Variants in PPP1R10 observed in about 807,000 individuals in gnomAD.
PPP1R10 encodes the protein serine/threonine-protein phosphatase 1 regulatory subunit 10.
A neutral mutation model predicts 99.0 loss-of-function variants in PPP1R10; 15 were observed. The ratio of observed to expected loss-of-function variants is 0.15; its 90% CI spans 0.10 to 0.23. The LOEUF (loss-of-function observed/expected upper bound fraction) is 0.23, where lower values mean the gene tolerates loss of function less well. Among genes scored for constraint, PPP1R10 ranks in the 10% least tolerant of loss-of-function variants. The probability of loss-of-function intolerance (pLI) is 1.00; values close to 1 mark genes in which losing one functional copy is unlikely to be tolerated. For synonymous variants in PPP1R10, 430 were observed against 449.5 expected (o/e 0.96, Z 0.55); for missense variants, 947 against 1,259.4 (o/e 0.75, Z 3.75).
At chr6:30,603,420 C>A (rs17195474) in intron 16 of PPP1R10, 52 bp downstream of exon 16, 34,155 of 1,592,272 alleles carry the variant, frequency 0.021, 723 homozygotes, top group African/African-American at 0.11. Flanking sequence ...GTGAGGAGAG[C>A]GAGCTTAAGG....
In PPP1R10 at chr6:30,602,890, T is replaced by G. The variant is rs777491309; in HGVS notation, c.1913A>C (p.Lys638Thr). The G allele has an allele frequency of 6.4e-6, 10 of 1,556,666 alleles. No individual in the cohort carries two copies. In the African/African-American group the frequency reaches 1.4e-4, roughly 21 times the overall value. Residue 638 changes from lysine (K) to threonine (T), a missense_variant, in exon 18 of 20, where the codon AAG becomes ACG. Physicochemically the swap from Lys to Thr is moderately conservative, Grantham distance 78. This residue lies in a region of PPP1R10 where 525 missense variants were observed against 578.8 expected (regional missense o/e 0.91). Transcript: ENST00000376511. The surrounding 1 kb of genome is among the most constrained non-coding windows in gnomAD (Gnocchi z 6.7). Reference protein sequence around the residue: ...GFPPGGPGGPKGMQHFPPGPG... With the variant: ...GFPPGGPGGPTGMQHFPPGPG... The stretch of plus-strand genomic sequence containing the variant: ...TCCAGGGGGAAAGTGCTGCATGCCC[T>G]TGGGGCCCCCAGGACCCCCTGGTGG...
At position 30,609,833 on chromosome 6, in the gene PPP1R10, C is replaced by T. The variant is rs1472870216; in HGVS notation, c.107+5G>A. 1.2e-6 allele frequency: 2 copies of T among 1,609,086 alleles called. No homozygotes were observed. Among genetic ancestry groups the T allele is most frequent in the Non-Finnish European group, 1.7e-6 (2 of 1,175,418 alleles). On this transcript the variant is annotated splice_donor_5th_base_variant and intron_variant, in intron 3 of 19. Coordinates refer to ENST00000376511, the MANE Select transcript of PPP1R10 (RefSeq NM_002714.4). This position sits in a 1 kb window ranked among gnomAD's most constrained non-coding sequence, Gnocchi z 4.5. ...CAGTGAATACAAAAAGGGGTAAAGA[C>T]TCACCTGAAGATCTTGGAAATCCCA... is the stretch of plus-strand genomic sequence containing the variant.
chr6:30,605,860 CAAA>C (rs9278740), intron 10 of PPP1R10, 60 bp downstream of exon 10: 6,755 of 1,180,302 alleles, frequency 5.7e-3, no homozygotes, highest in South Asian at 6.1e-3. Flanking sequence ...ACTCTGTCTC[CAAA>C]AAAAAAAAAA....
In PPP1R10 at chr6:30,603,477, T is replaced by G; in HGVS notation, c.1762A>C (p.Ile588Leu). The change falls in exon 16 of 20, where the codon ATC (isoleucine) becomes CTC (leucine). Residue 588 changes from isoleucine to leucine, a missense_variant. Coordinates refer to ENST00000376511, the MANE Select transcript of PPP1R10 (RefSeq NM_002714.4). ...AGGGGAAGGAGGGTGCGTACCATGA[T>G]GGAGGTGAGGATCTCTTGGACATTA... is the stretch of plus-strand genomic sequence containing the variant. ...GINVQEILTS[I>L]MGSPNSHPSE... is the part of the protein sequence containing the mutation. The G allele has an allele frequency of 1.2e-6, 2 of 1,609,866 alleles. No individual in the cohort carries two copies. The highest frequency in any genetic ancestry group is 1.7e-6 in the Non-Finnish European group (2 of 1,177,876).
chr6:30,603,368 G>C (rs2127437421), intron 16 of PPP1R10, 83 bp from the exon 17 acceptor site: 1 of 1,571,836 alleles, frequency 6.4e-7, no homozygotes, highest in East Asian at 2.2e-5. Flanking sequence ...TTAGGGGTAA[G>C]TGGGTAGATG....
intron 5 of PPP1R10, 130 bp from the exon 6 acceptor site, chr6:30,608,021 C>G: frequency 3.3e-6 from 3 of 922,610 alleles, no homozygotes; most frequent in Non-Finnish European, 4.9e-6. Context: ...CGGAGTCTCA[C>G]TCTGTTGCCC....
chr6:30,615,191 G>C (rs575325747), intron 2 of PPP1R10, among the ~76,000 whole-genome samples: 1 of 149,174 alleles, frequency 6.7e-6, no homozygotes, highest in Admixed American at 6.7e-5. Context: ...ACCCGGCTCT[G>C]CCGGTAGCTT....
Position 30,603,304 on chromosome 6 carries a change from G to T in PPP1R10, c.1768-19C>A. The T allele has an allele frequency of 1.2e-6, 2 of 1,603,716 alleles. No individual in the cohort carries two copies. Among genetic ancestry groups the T allele is most frequent in the African/African-American group, 1.3e-5 (1 of 74,782 alleles). The stretch of plus-strand genomic sequence containing the variant: ...GGCTACCCTGTGAGGATGTAAGAAG[G>T]CAAAGTCAACAGACAGAAAGGGTAA... On this transcript the variant is annotated intron_variant, in intron 16 of 19. Transcript: ENST00000376511.
At chr6:30,601,741 G>A (rs780189297) in intron 19 of PPP1R10, 83 bp from the exon 20 acceptor site, 51 of 1,395,868 alleles carry the variant, frequency 3.7e-5, no homozygotes, top group Non-Finnish European at 5.0e-5. Context: ...ATGACATCCT[G>A]AGAACTGTCT....
In PPP1R10 at chr6:30,602,250, T is replaced by C. The variant is rs1011771720; in HGVS notation, c.2399A>G (p.His800Arg). The change falls in exon 19 of 20, where the codon CAC (histidine) becomes CGC (arginine). Residue 800 changes from histidine (H) to arginine (R), a missense_variant. Physicochemically the swap from His to Arg is conservative, Grantham distance 29. Coordinates refer to ENST00000376511, the MANE Select transcript of PPP1R10 (RefSeq NM_002714.4). This position sits in a 1 kb window ranked among gnomAD's most constrained non-coding sequence, Gnocchi z 6.7. Reference protein sequence around the residue: ...SMGGGGGHRPHEGPGGGISGG... With the variant: ...SMGGGGGHRPREGPGGGISGG... ...ACTGATGCCACCGCCAGGGCCTTCG[T>C]GGGGACGATGTCCTCCACCCCCACC... The C allele has an allele frequency of 1.2e-6, 2 of 1,611,494 alleles. No individual in the cohort carries two copies. Among genetic ancestry groups the C allele is most frequent in the African/African-American group, 2.7e-5 (2 of 74,624 alleles).
intron 2 of PPP1R10, among the ~76,000 whole-genome samples, chr6:30,613,972 GAAGTTAGCCCT>G (rs1267723106): frequency 1.3e-5 from 2 of 152,178 alleles, no homozygotes; most frequent in African/African-American, 4.8e-5. Context: ...TACCCAGTAG[GAAGTTAGCCCT>G]AAGTCTCACC....
intron 2 of PPP1R10, chr6:30,614,752 T>C (rs1760276970): frequency 6.6e-6 from 1 of 152,156 alleles, no homozygotes; most frequent in Admixed American, 6.6e-5. Flanking sequence ...AGTCTTAGGT[T>C]TGCCTGTTTT....
chr6:30,601,956 C>G lies in PPP1R10; in HGVS notation c.2693G>C (p.Gly898Ala), dbSNP rs1803359473. The stretch of plus-strand genomic sequence containing the variant: ...CTCACCTCCTCCATGGCTGTGGCCT[C>G]CATCGTGCCCTCGGTGGCCCCCTCC... ...HGGGGHRGHD[G>A]GHSHGGDMSN... is the part of the protein sequence containing the mutation. Residue 898 changes from glycine (G) to alanine (A), a missense_variant, in exon 19 of 20, where the codon GGA becomes GCA. Physicochemically the swap from Gly to Ala is moderately conservative, Grantham distance 60. This residue lies in a region of PPP1R10 where 525 missense variants were observed against 578.8 expected (regional missense o/e 0.91). Coordinates refer to ENST00000376511, the MANE Select transcript of PPP1R10 (RefSeq NM_002714.4). 1.3e-5 allele frequency: 20 copies of G among 1,510,770 alleles called. No homozygotes were observed. The highest frequency in any genetic ancestry group is 1.7e-5 in the Non-Finnish European group (19 of 1,131,012). The allele number at this position is 1,510,770 out of a possible 1,614,324, so 93.6% of individuals were successfully genotyped here. A position where few individuals can be genotyped will look rare whatever the true frequency, so the allele number is the denominator to read the frequency against.
intron 2 of PPP1R10, among the ~76,000 whole-genome samples, chr6:30,610,341 T>C (rs1214376126): frequency 6.6e-6 from 1 of 152,230 alleles, no homozygotes. Context: ...CGTTAAGTCC[T>C]GTCTTCCCTA....
rs1561827642 is a variant in PPP1R10 at position 30,602,246 on chromosome 6, T to C, written c.2403A>G (p.Glu801=). 6.2e-7 allele frequency: 1 copy of C among 1,611,668 alleles called. No homozygotes were observed. ...CACCACTGATGCCACCGCCAGGGCC[T>C]TCGTGGGGACGATGTCCTCCACCCC... ...MGGGGGHRPH[E]GPGGGISGGS... is the part of the protein sequence containing the mutation. Residue 801 remains glutamate (E), a synonymous_variant, in exon 19 of 20, where the codon GAA becomes GAG. Coordinates refer to ENST00000376511, the MANE Select transcript of PPP1R10 (RefSeq NM_002714.4). This position sits in a 1 kb window ranked among gnomAD's most constrained non-coding sequence, Gnocchi z 6.7.
Position 30,604,524 on chromosome 6 carries a change from G to A in PPP1R10, c.1103-13C>T, listed in dbSNP as rs759327537. On this transcript the variant is annotated splice_polypyrimidine_tract_variant and intron_variant, in intron 12 of 19. Transcript: ENST00000376511. This position sits in a 1 kb window ranked among gnomAD's most constrained non-coding sequence, Gnocchi z 7.3. Reference sequence around the variant, plus strand: ...GGCTCCAAAGAGGCTGGAAGCAGAAGAGGTTTCAGACCCAGATCCCTCCTT... The same window carrying A: ...GGCTCCAAAGAGGCTGGAAGCAGAAAAGGTTTCAGACCCAGATCCCTCCTT... The A allele has an allele frequency of 1.9e-6, 3 of 1,612,978 alleles. No homozygotes were observed. Among genetic ancestry groups the A allele is most frequent in the East Asian group, 4.5e-5 (2 of 44,878 alleles).
At chr6:30,603,883 G>C in intron 14 of PPP1R10, 40 bp from the exon 15 acceptor site, 1 of 1,523,260 alleles carries the variant, frequency 6.6e-7, no homozygotes. Flanking sequence ...AAGAATGATA[G>C]TCAAGTTATT....
In PPP1R10 at chr6:30,601,380, G is replaced by A. The variant is rs567406891; in HGVS notation, c.*169C>T. ...TGGAGGAAAATATGTACATCAATGC[G>A]CACCAGTGATCAGAAAACCCCCAGG... On this transcript the variant is annotated 3_prime_UTR_variant, in exon 20 of 20. Coordinates refer to ENST00000376511, the MANE Select transcript of PPP1R10 (RefSeq NM_002714.4). The A allele has an allele frequency of 4.6e-5, 28 of 609,848 alleles. No homozygotes were observed. The highest frequency in any genetic ancestry group is 1.2e-4 in the Admixed American group (4 of 33,972). The allele number at this position is 609,848 out of a possible 1,614,324, so 37.8% of individuals were successfully genotyped here.
intron 2 of PPP1R10, among the ~76,000 whole-genome samples, chr6:30,614,398 G>C (rs892896663): frequency 1.3e-5 from 2 of 151,932 alleles, no homozygotes; most frequent in African/African-American, 4.8e-5. Context: ...TACAACTGCC[G>C]CCTCCTTTCC....
Sources: gnomAD v4.1 joint callset for allele counts (sites outside exome capture counted in the v4.1 genomes callset) on GRCh38, gnomAD v4.1.1 for gene constraint, gnomAD v4.1.1 regional missense constraint, Gnocchi (gnomAD v3.1) non-coding constraint, MANE v1.5 for transcripts, NCBI Gene and HGNC (gene_info 2026-07-23, HGNC 2026-07-21) for gene names.